PCDHGA10: variants seen among roughly 807,000 people sequenced by gnomAD.
PCDHGA10 encodes protocadherin gamma subfamily A, 10.
A neutral mutation model predicts 59.5 loss-of-function variants in PCDHGA10; 42 were observed. That is an observed-to-expected ratio of 0.71 (90% CI 0.55 to 0.91). The LOEUF is 0.91. PCDHGA10 is among the 40% of genes least tolerant of loss of function. The probability of loss-of-function intolerance (pLI) is 0.00; values close to 1 mark genes in which losing one functional copy is unlikely to be tolerated. For missense variants in PCDHGA10, 1,111 were observed against 1,198.2 expected, an observed-to-expected ratio of 0.93 and a Z score of 1.07; for synonymous variants, 511 against 517.2, an observed-to-expected ratio of 0.99 and a Z score of 0.16.
In PCDHGA10 at chr5:141,415,397, G is replaced by T. The variant is rs1168654728; in HGVS notation, c.2222G>T (p.Gly741Val). 6.2e-7 allele frequency: 1 copy of T among 1,614,124 alleles called. No individual in the cohort carries two copies. The highest frequency in any genetic ancestry group is 1.3e-5 in the African/African-American group (1 of 74,946). The stretch of plus-strand genomic sequence containing the variant: ...GGAGGCGGCTTGACAGGTGTGTCCG[G>T]CTCGCACTTTGTGGGCGTGGACGGG... ...ASGGGLTGVSGSHFVGVDGVR... is the reference protein window; with the variant it reads ...ASGGGLTGVSVSHFVGVDGVR... The change falls in exon 1 of 4, where the codon GGC becomes GTC. Residue 741 changes from glycine (G) to valine (V), a missense_variant. By Grantham distance (109) the Gly-to-Val change is moderately radical. Coordinates refer to ENST00000398610, the MANE Select transcript of PCDHGA10 (RefSeq NM_018913.3).
At chr5:141,422,287 A>G in intron 1 of PCDHGA10, 3 of 1,553,500 alleles carry the variant, frequency 1.9e-6, no homozygotes, top group South Asian at 1.3e-5. Context: ...CACCTCTTCT[A>G]TTAATTCAAT....
intron 1 of PCDHGA10, 102 bp from the exon 2 acceptor site, chr5:141,494,705 G>A (rs2099756254): frequency 1.3e-6 from 2 of 1,597,990 alleles, no homozygotes; most frequent in East Asian, 2.2e-5. Context: ...TTTCTTCTCT[G>A]TGCCCACTCC....
At position 141,485,443 on chromosome 5, in the gene PCDHGA10, C is replaced by A. The variant is rs2099613637; in HGVS notation, c.2437-9364C>A. 5 of 1,614,054 alleles carry A rather than the reference C, an allele frequency of 3.1e-6. No individual in the cohort carries two copies. The East Asian group carries it at 6.7e-5, about 22-fold the overall frequency. ...GAGCCCTGCTCATCAAGAACCCAAT[C>A]GACCGAGAGGCACTGTGTGGGCTCA... On this transcript the variant is annotated intron_variant, in intron 1 of 3. Coordinates refer to ENST00000398610, the MANE Select transcript of PCDHGA10 (RefSeq NM_018913.3). This position sits in a 1 kb window ranked among gnomAD's most constrained non-coding sequence, Gnocchi z 5.7.
intron 2 of PCDHGA10, among the ~76,000 whole-genome samples, chr5:141,502,250 T>A (rs915754322): frequency 2.6e-5 from 4 of 152,242 alleles, no homozygotes; most frequent in East Asian, 3.8e-4. Context: ...TCCTTTTTTT[T>A]AATCCAGGAT....
chr5:141,494,751 G>A, intron 1 of PCDHGA10, 56 bp from the exon 2 acceptor site: 2 of 1,613,426 alleles, frequency 1.2e-6, no homozygotes, highest in Non-Finnish European at 8.5e-7. Flanking sequence ...AGGGGCTCGG[G>A]TGACATTCTA....
At position 141,485,562 on chromosome 5, in the gene PCDHGA10, C is replaced by T. The variant is rs779890454; in HGVS notation, c.2437-9245C>T. 2.5e-6 allele frequency: 4 copies of T among 1,612,910 alleles called. No homozygotes were observed. Among genetic ancestry groups the T allele is most frequent in the Admixed American group, 1.7e-5 (1 of 59,996 alleles). On this transcript the variant is annotated intron_variant, in intron 1 of 3. Transcript: ENST00000398610. The surrounding 1 kb of genome is among the most constrained non-coding windows in gnomAD (Gnocchi z 5.7). ...GAGATCGTAGATGTGAATGATCACG[C>T]CCCCCGTTTTCCGCGGCAGCAGCTG... is the stretch of plus-strand genomic sequence containing the variant.
chr5:141,477,212 C>T lies in PCDHGA10; in HGVS notation c.2437-17595C>T, dbSNP rs1488282405. On this transcript the variant is annotated intron_variant, in intron 1 of 3. Coordinates refer to ENST00000398610, the MANE Select transcript of PCDHGA10 (RefSeq NM_018913.3). This position sits in a 1 kb window ranked among gnomAD's most constrained non-coding sequence, Gnocchi z 4.9. ...GTACAGCCCAGTACCCGAGGATGCC[C>T]CTCTGGGGACTGTCATCGCTTTGCT... 11 of 1,614,048 alleles carry T rather than the reference C, an allele frequency of 6.8e-6. No individual in the cohort carries two copies. The highest frequency in any genetic ancestry group is 1.3e-5 in the African/African-American group (1 of 74,918).
Position 141,487,687 on chromosome 5 carries a change from A to G in PCDHGA10, c.2437-7120A>G, listed in dbSNP as rs750431854. ...CAGGCATATGGCTAGGCCATGTCCTAGAGAGTACTGGCCTCTCAGTAAGTG... is the reference window on the plus strand; with the variant it reads ...CAGGCATATGGCTAGGCCATGTCCTGGAGAGTACTGGCCTCTCAGTAAGTG... On this transcript the variant is annotated intron_variant, in intron 1 of 3. Transcript: ENST00000398610. This position sits in a 1 kb window ranked among gnomAD's most constrained non-coding sequence, Gnocchi z 5.0. The G allele has an allele frequency of 1.9e-6, 3 of 1,606,256 alleles. No individual in the cohort carries two copies. The highest frequency in any genetic ancestry group is 3.4e-5 in the Admixed American group (2 of 58,832).
Position 141,431,135 on chromosome 5 carries a change from A to C in PCDHGA10, c.2436+15524A>C. ...TGGAGTAGAAGTAGAAGTAAGGGAC[A>C]TTAACGACAATGCGCCTTACTTTCG... On this transcript the variant is annotated intron_variant, in intron 1 of 3. Coordinates refer to ENST00000398610, the MANE Select transcript of PCDHGA10 (RefSeq NM_018913.3). The surrounding 1 kb of genome is among the most constrained non-coding windows in gnomAD (Gnocchi z 4.8). 1 of 1,614,266 alleles carries C rather than the reference A, an allele frequency of 6.2e-7. No homozygotes were observed. Among genetic ancestry groups the C allele is most frequent in the Non-Finnish European group, 8.5e-7 (1 of 1,180,042 alleles).
At chr5:141,461,408 CAT>C (rs1491314585) in intron 1 of PCDHGA10, among the ~76,000 whole-genome samples, 2 of 151,994 alleles carry the variant, frequency 1.3e-5, no homozygotes, top group South Asian at 2.1e-4. Flanking sequence ...AGCATTTTTT[CAT>C]ATGTTTGTGG....
At chr5:141,481,592 C>T (rs765060653) in intron 1 of PCDHGA10, among the ~76,000 whole-genome samples, 2 of 152,112 alleles carry the variant, frequency 1.3e-5, no homozygotes, top group East Asian at 1.9e-4. Context: ...CTGAGGCCAG[C>T]GGATCACCTG....
chr5:141,470,836 C>T lies in PCDHGA10; in HGVS notation c.2437-23971C>T, dbSNP rs577375498. On this transcript the variant is annotated intron_variant, in intron 1 of 3. Transcript: ENST00000398610. ...CTGAGTAGTTAGGACGACAAACACA[C>T]GCCACCATGCTCAGATAAGTTTTTT... 2.6e-5 allele frequency among the ~76,000 whole-genome samples: 4 copies of T among 152,176 alleles called. No homozygotes were observed. The East Asian group carries it at 5.8e-4, about 22-fold the overall frequency.
rs1389286417 is a variant in PCDHGA10 at position 141,432,046 on chromosome 5, C to T, written c.2436+16435C>T. ...CAGTGACCGCCACTGACCGGGGAAC[C>T]CCGCCCCTATCCACGGAAACTCATA... On this transcript the variant is annotated intron_variant, in intron 1 of 3. Transcript: ENST00000398610. This position sits in a 1 kb window ranked among gnomAD's most constrained non-coding sequence, Gnocchi z 6.0. 3.1e-6 allele frequency: 5 copies of T among 1,614,224 alleles called. No homozygotes were observed. The highest frequency in any genetic ancestry group is 2.2e-5 in the East Asian group (1 of 44,886).
Position 141,414,817 on chromosome 5 carries a change from A to C in PCDHGA10, c.1642A>C (p.Ser548Arg). Residue 548 changes from serine (S) to arginine (R), a missense_variant, in exon 1 of 4, where the codon AGC becomes CGC. Physicochemically the swap from Ser to Arg is moderately radical, Grantham distance 110. Coordinates refer to ENST00000398610, the MANE Select transcript of PCDHGA10 (RefSeq NM_018913.3). ...CGACAGCGGGGATCCTCCACTCAGC[A>C]GCAACGTGTCGTTGAGCCTGTTTGT... The part of the protein sequence containing the change: ...ASDSGDPPLS[S>R]NVSLSLFVLD... The C allele has an allele frequency of 6.2e-7, 1 of 1,614,214 alleles. No homozygotes were observed. Among genetic ancestry groups the C allele is most frequent in the Non-Finnish European group, 8.5e-7 (1 of 1,180,028 alleles).
At position 141,489,657 on chromosome 5, in the gene PCDHGA10, G is replaced by T. The variant is rs755618175; in HGVS notation, c.2437-5150G>T. 6.2e-7 allele frequency: 1 copy of T among 1,614,198 alleles called. No individual in the cohort carries two copies. Among genetic ancestry groups the T allele is most frequent in the Admixed American group, 1.7e-5 (1 of 60,030 alleles). ...CTAGCTTTGCCACCCCTGAGCGAGA[G>T]ATGCGCATCTCAGAATCAGCAGCAT... On this transcript the variant is annotated intron_variant, in intron 1 of 3. Coordinates refer to ENST00000398610, the MANE Select transcript of PCDHGA10 (RefSeq NM_018913.3). This position sits in a 1 kb window ranked among gnomAD's most constrained non-coding sequence, Gnocchi z 4.5.
intron 1 of PCDHGA10, among the ~76,000 whole-genome samples, chr5:141,435,375 A>G (rs80179854): frequency 0.034 from 5,131 of 152,264 alleles, 102 homozygotes; most frequent in Middle Eastern, 0.088. Flanking sequence ...TTAAATATAC[A>G]ATATACCGTA....
At position 141,436,706 on chromosome 5, in the gene PCDHGA10, A is replaced by G. The variant is rs149478256; in HGVS notation, c.2436+21095A>G. 3.9e-3 allele frequency among the ~76,000 whole-genome samples: 587 copies of G among 152,318 alleles called. 6 individuals are homozygous for G. Among genetic ancestry groups the G allele is most frequent in the Admixed American group, 0.011 (169 of 15,304 alleles). On this transcript the variant is annotated intron_variant, in intron 1 of 3. Transcript: ENST00000398610. ...TATATTTTCAATGCCAGCACACTCG[A>G]TGTTCTGTTGGGAAAAATAATAATG...
chr5:141,429,572 T>C (rs1450720834), intron 1 of PCDHGA10, among the ~76,000 whole-genome samples: 1 of 152,226 alleles, frequency 6.6e-6, no homozygotes, highest in South Asian at 2.1e-4. Context: ...TTCAGTTACA[T>C]TTACTTTTGA....
chr5:141,510,015 A>G (rs2099879210), intron 3 of PCDHGA10, among the ~76,000 whole-genome samples: 1 of 152,210 alleles, frequency 6.6e-6, no homozygotes, highest in Non-Finnish European at 1.5e-5. Flanking sequence ...GTCATACCAC[A>G]TAGCTGGCTG....
Sources: gnomAD v4.1 joint callset for allele counts (sites outside exome capture counted in the v4.1 genomes callset) on GRCh38, gnomAD v4.1.1 for gene constraint, Gnocchi (gnomAD v3.1) non-coding constraint, MANE v1.5 for transcripts, NCBI Gene and HGNC (gene_info 2026-07-23, HGNC 2026-07-21) for gene names.